KCNMA1: variants seen among roughly 807,000 people sequenced by gnomAD.
KCNMA1 encodes potassium calcium-activated channel subfamily M alpha 1, also known as Calcium-activated potassium channel subunit alpha-1.
In KCNMA1, 29 loss-of-function variants were observed where a neutral mutation model predicts 140.0. The ratio of observed to expected loss-of-function variants is 0.21; its 90% confidence interval spans 0.15 to 0.28. The LOEUF is 0.28. Among genes scored for constraint, KCNMA1 ranks in the 10% least tolerant of loss-of-function variants. The pLI is 1.00. For missense variants in KCNMA1, 880 were observed against 1,602.2 expected, an observed-to-expected ratio of 0.55 and a Z score of 7.70; for synonymous variants, 612 against 611.9, an observed-to-expected ratio of 1.00 and a Z score of 0.00.
chr10:77,443,024 CAT>C (rs1483041234), intron 1 of KCNMA1, among the ~76,000 whole-genome samples: 1 of 152,166 alleles, frequency 6.6e-6, no homozygotes, highest in African/African-American at 2.4e-5. Flanking sequence ...TTTTTTCGCT[CAT>C]GTGTTTGCTC....
chr10:77,612,145 A>G (rs1042963723), intron 1 of KCNMA1, among the ~76,000 whole-genome samples: 31 of 152,222 alleles, frequency 2.0e-4, no homozygotes, highest in South Asian at 8.3e-4. Context: ...ACAGGACATC[A>G]GAGCCCAGCA....
chr10:77,636,156 T>C (rs965747547), intron 1 of KCNMA1: 2 of 1,379,874 alleles, frequency 1.4e-6, no homozygotes, highest in Non-Finnish European at 1.9e-6. Flanking sequence ...TGAAGTCCCC[T>C]AGGATGGGAA....
intron 14 of KCNMA1, among the ~76,000 whole-genome samples, chr10:77,064,666 G>T (rs1020301185): frequency 2.0e-5 from 3 of 152,306 alleles, no homozygotes; most frequent in African/African-American, 7.2e-5. Flanking sequence ...AGTGGGCTTG[G>T]TCAGACTGAG....
chr10:77,183,623 G>C (rs2098820351), intron 4 of KCNMA1, 91 bp from the exon 5 acceptor site: 1 of 912,428 alleles, frequency 1.1e-6, no homozygotes, highest in Non-Finnish European at 1.8e-6. Flanking sequence ...GGTAAGTTTT[G>C]AGTTTTCATA....
intron 3 of KCNMA1, among the ~76,000 whole-genome samples, chr10:77,236,518 T>C (rs1487487198): frequency 4.6e-5 from 7 of 152,156 alleles, no homozygotes; most frequent in Non-Finnish European, 1.0e-4. Flanking sequence ...GACCCAACTC[T>C]AGCCTGCCAT....
At chr10:77,205,137 C>T (rs867353773) in intron 3 of KCNMA1, among the ~76,000 whole-genome samples, 2 of 152,316 alleles carry the variant, frequency 1.3e-5, no homozygotes, top group African/African-American at 2.4e-5. Context: ...GGGTCTGTTA[C>T]TATGCAGTGG....
intron 2 of KCNMA1, among the ~76,000 whole-genome samples, chr10:77,257,084 TG>T (rs1480486987): frequency 1.3e-5 from 2 of 152,214 alleles, no homozygotes; most frequent in East Asian, 3.9e-4. Context: ...CACTCCAACG[TG>T]GGTGACAAGG....
At chr10:77,169,420 C>T (rs914790507) in intron 5 of KCNMA1, among the ~76,000 whole-genome samples, 2 of 151,318 alleles carry the variant, frequency 1.3e-5, no homozygotes, top group Non-Finnish European at 2.9e-5. Flanking sequence ...GATGGGATTT[C>T]ACTGTATTGC....
intron 1 of KCNMA1, among the ~76,000 whole-genome samples, chr10:77,516,370 C>G (rs1286308177): frequency 6.6e-6 from 1 of 152,170 alleles, no homozygotes; most frequent in African/African-American, 2.4e-5. Flanking sequence ...TTCCCTGTTT[C>G]ATTTGTGCTT....
chr10:77,533,711 C>G (rs2058235415), intron 1 of KCNMA1, among the ~76,000 whole-genome samples: 1 of 152,244 alleles, frequency 6.6e-6, no homozygotes, highest in South Asian at 2.1e-4. Flanking sequence ...CAAATCCTAA[C>G]AAAGGAGGAT....
intron 3 of KCNMA1, among the ~76,000 whole-genome samples, chr10:77,243,470 C>A (rs1196587678): frequency 6.6e-6 from 1 of 152,174 alleles, no homozygotes; most frequent in Non-Finnish European, 1.5e-5. Flanking sequence ...GAATGCATTT[C>A]TTCATTTGCC....
intron 1 of KCNMA1, among the ~76,000 whole-genome samples, chr10:77,468,416 G>T (rs1250895525): frequency 6.6e-6 from 1 of 152,174 alleles, no homozygotes; most frequent in Non-Finnish European, 1.5e-5. Flanking sequence ...CTCAGAATGG[G>T]ATGTATTCAG....
At chr10:77,092,425 C>CA (rs2153800853) in intron 9 of KCNMA1, among the ~76,000 whole-genome samples, 1 of 152,302 alleles carries the variant, frequency 6.6e-6, no homozygotes, top group African/African-American at 2.4e-5. Context: ...AACTTCCTTG[C>CA]AACTGACAAT....
In KCNMA1 at chr10:76,944,969, T is replaced by C. The variant is rs1238174896; in HGVS notation, c.2710-4A>G. On this transcript the variant is annotated splice_polypyrimidine_tract_variant and splice_region_variant and intron_variant, in intron 22 of 27. Transcript: ENST00000286628. ...CAGCCCGACTTAATGGCGTACCCTT[T>C]GGCATAGAGGAAAGAAAAAAAAACA... 1 of 1,612,454 alleles carries C rather than the reference T, an allele frequency of 6.2e-7. No individual in the cohort carries two copies. Among genetic ancestry groups the C allele is most frequent in the Non-Finnish European group, 8.5e-7 (1 of 1,179,562 alleles).
intron 1 of KCNMA1, among the ~76,000 whole-genome samples, chr10:77,466,703 G>A (rs2098024673): frequency 6.6e-6 from 1 of 152,166 alleles, no homozygotes; most frequent in African/African-American, 2.4e-5. Context: ...GAGAGAGTAA[G>A]GAGCCAGAAA....
At chr10:77,460,430 C>T (rs1326286040) in intron 1 of KCNMA1, among the ~76,000 whole-genome samples, 1 of 152,146 alleles carries the variant, frequency 6.6e-6, no homozygotes, top group Non-Finnish European at 1.5e-5. Context: ...AAAACACCTG[C>T]ACTCATGTTT....
At chr10:77,490,866 C>T (rs527941187) in intron 1 of KCNMA1, among the ~76,000 whole-genome samples, 120 of 152,278 alleles carry the variant, frequency 7.9e-4, no homozygotes, top group Middle Eastern at 3.4e-3. Flanking sequence ...AGGGCTGCCA[C>T]GTACAGACAA....
chr10:77,031,073 G>C (rs1033137120), intron 15 of KCNMA1, among the ~76,000 whole-genome samples: 1 of 152,194 alleles, frequency 6.6e-6, no homozygotes, highest in African/African-American at 2.4e-5. Flanking sequence ...ACTAGGTCAA[G>C]GTCAATTGAC....
chr10:77,151,486 T>C (rs34016608), intron 5 of KCNMA1, among the ~76,000 whole-genome samples: 59,211 of 151,900 alleles, frequency 0.39, 12,126 homozygotes, highest in Middle Eastern at 0.54. Context: ...CTTGCCCTTC[T>C]GAAGTGCTGG....
Sources: gnomAD v4.1 joint callset for allele counts (sites outside exome capture counted in the v4.1 genomes callset) on GRCh38, gnomAD v4.1.1 for gene constraint, MANE v1.5 for transcripts, NCBI Gene and HGNC (gene_info 2026-07-23, HGNC 2026-07-21) for gene names.